ROBO1: variants seen among roughly 807,000 people sequenced by gnomAD.
ROBO1 encodes the protein roundabout guidance receptor 1.
In ROBO1, 149 loss-of-function variants were observed where a neutral mutation model predicts 195.9. The observed-to-expected ratio is 0.76, with a 90% CI of 0.67 to 0.87. ROBO1 has a LOEUF of 0.87. Among genes scored for constraint, ROBO1 ranks in the 40% least tolerant of loss-of-function variants. The pLI is 0.00. For synonymous variants in ROBO1, 816 were observed against 733.2 expected, an observed-to-expected ratio of 1.11 and a Z score of -1.82; for missense variants, 1,933 against 2,068.3, an observed-to-expected ratio of 0.93 and a Z score of 1.27.
At chr3:79,560,556 T>TAC (rs1553764944) in intron 2 of ROBO1, among the ~76,000 whole-genome samples, 2 of 119,852 alleles carry the variant, frequency 1.7e-5, no homozygotes, top group Non-Finnish European at 3.6e-5. Flanking sequence ...TATATATATA[T>TAC]ATACACATAC....
intron 4 of ROBO1, among the ~76,000 whole-genome samples, chr3:78,927,757 A>G (rs2039299802): frequency 6.6e-6 from 1 of 152,228 alleles, no homozygotes; most frequent in Admixed American, 6.5e-5. Flanking sequence ...TAAAGAATAC[A>G]TATCTTTTCA....
chr3:78,975,718 GA>G (rs924614376), intron 3 of ROBO1, among the ~76,000 whole-genome samples: 11 of 152,096 alleles, frequency 7.2e-5, no homozygotes, highest in African/African-American at 2.4e-4. Flanking sequence ...TTGAGGTCAA[GA>G]AAAAACAGTT....
intron 3 of ROBO1, among the ~76,000 whole-genome samples, chr3:79,032,400 G>T (rs2108306242): frequency 6.6e-6 from 1 of 151,864 alleles, no homozygotes; most frequent in East Asian, 1.9e-4. Context: ...ATTTAAAAAT[G>T]AAAAATAATA....
intron 3 of ROBO1, among the ~76,000 whole-genome samples, chr3:79,064,380 T>C (rs1218049199): frequency 6.6e-6 from 1 of 151,946 alleles, no homozygotes; most frequent in Non-Finnish European, 1.5e-5. Context: ...TCTCCTGTAC[T>C]TTTTCCAGCT....
chr3:78,943,124 G>A (rs1455224877), intron 3 of ROBO1, among the ~76,000 whole-genome samples: 1 of 152,014 alleles, frequency 6.6e-6, no homozygotes. Context: ...GCTGAGGCAG[G>A]AGAATGGCGT....
chr3:79,003,823 G>A (rs2077560770), intron 3 of ROBO1, among the ~76,000 whole-genome samples: 2 of 152,162 alleles, frequency 1.3e-5, no homozygotes, highest in Non-Finnish European at 1.5e-5. Context: ...AGCTCACTGT[G>A]TTATTCCTAG....
chr3:79,584,625 G>GTGTACGTGTA (rs1553769163), intron 2 of ROBO1, among the ~76,000 whole-genome samples: 6 of 145,426 alleles, frequency 4.1e-5, no homozygotes, highest in South Asian at 4.4e-4. Flanking sequence ...GTGTGTGTGT[G>GTGTACGTGTA]TGTGTGTGTG....
At chr3:79,635,597 C>A (rs1401139422) in intron 1 of ROBO1, among the ~76,000 whole-genome samples, 2 of 152,058 alleles carry the variant, frequency 1.3e-5, no homozygotes, top group Non-Finnish European at 2.9e-5. Flanking sequence ...TTTCAACTGT[C>A]TGTAATTGTG....
At chr3:79,363,836 G>A (rs2035861249) in intron 2 of ROBO1, among the ~76,000 whole-genome samples, 1 of 152,076 alleles carries the variant, frequency 6.6e-6, no homozygotes, top group African/African-American at 2.4e-5. Context: ...ATGATAATAA[G>A]AAACATAATG....
At chr3:78,994,232 T>C (rs994609377) in intron 3 of ROBO1, among the ~76,000 whole-genome samples, 3 of 152,144 alleles carry the variant, frequency 2.0e-5, no homozygotes, top group Admixed American at 2.0e-4. Context: ...ATTCCTCGAC[T>C]GATATCCAGG....
intron 3 of ROBO1, among the ~76,000 whole-genome samples, chr3:79,064,659 T>C (rs999178204): frequency 6.6e-6 from 1 of 151,810 alleles, no homozygotes. Context: ...CACTTCGGAG[T>C]AATCTATTTT....
intron 4 of ROBO1, among the ~76,000 whole-genome samples, chr3:78,907,406 G>C (rs1004113121): frequency 2.0e-5 from 3 of 152,070 alleles, no homozygotes; most frequent in African/African-American, 7.2e-5. Context: ...CAAGGTCTTG[G>C]CTAGTTCATA....
intron 10 of ROBO1, among the ~76,000 whole-genome samples, chr3:78,679,038 T>G (rs1321518018): frequency 6.6e-6 from 1 of 152,148 alleles, no homozygotes; most frequent in Non-Finnish European, 1.5e-5. Flanking sequence ...AATCAATAAA[T>G]GTAATCCAGC....
chr3:79,050,397 A>C (rs1032297178), intron 3 of ROBO1, among the ~76,000 whole-genome samples: 1 of 152,050 alleles, frequency 6.6e-6, no homozygotes, highest in Admixed American at 6.6e-5. Flanking sequence ...GATTCATAAC[A>C]CAAGTCCTTA....
chr3:79,640,919 G>T (rs546236217), intron 1 of ROBO1, among the ~76,000 whole-genome samples: 1 of 152,110 alleles, frequency 6.6e-6, no homozygotes, highest in Non-Finnish European at 1.5e-5. Flanking sequence ...AATTTCCAGA[G>T]AATGTAAAAT....
intron 17 of ROBO1, among the ~76,000 whole-genome samples, chr3:78,658,957 C>T (rs1376431182): frequency 1.3e-5 from 2 of 152,074 alleles, no homozygotes; most frequent in African/African-American, 4.8e-5. Context: ...TGAAATCCAC[C>T]CTTTTGCATT....
intron 4 of ROBO1, among the ~76,000 whole-genome samples, chr3:78,762,169 T>C (rs1370142724): frequency 3.3e-5 from 5 of 152,014 alleles, no homozygotes; most frequent in African/African-American, 4.8e-5. Flanking sequence ...TATCTTTAGG[T>C]AAGTAAATAA....
At chr3:79,506,087 C>T (rs1431919630) in intron 2 of ROBO1, among the ~76,000 whole-genome samples, 2 of 151,962 alleles carry the variant, frequency 1.3e-5, no homozygotes, top group Admixed American at 1.3e-4. Flanking sequence ...AAAGAATCTG[C>T]ATTTTATTAA....
chr3:79,612,622 T>C (rs1031242268), intron 1 of ROBO1, among the ~76,000 whole-genome samples: 1 of 147,450 alleles, frequency 6.8e-6, no homozygotes, highest in African/African-American at 2.5e-5. Flanking sequence ...TCCACAATGG[T>C]TGAACTAGTT....
Sources: gnomAD v4.1 joint callset for allele counts (sites outside exome capture counted in the v4.1 genomes callset) on GRCh38, gnomAD v4.1.1 for gene constraint, MANE v1.5 for transcripts, NCBI Gene and HGNC (gene_info 2026-07-23, HGNC 2026-07-21) for gene names.